MROH2A: variants seen among roughly 807,000 people sequenced by gnomAD.
The protein encoded by MROH2A is maestro heat-like repeat-containing protein family member 2A.
Under a neutral mutation model 200.4 loss-of-function variants are expected in MROH2A, and 174 were observed. The ratio of observed to expected loss-of-function variants is 0.87; its 90% CI spans 0.77 to 0.98. MROH2A has a LOEUF of 0.98. MROH2A is among the 50% of genes least tolerant of loss of function. The pLI, the probability that MROH2A is intolerant of heterozygous loss-of-function variation, is 0.00. For missense variants in MROH2A, 2,045 were observed against 2,139.6 expected, an observed-to-expected ratio of 0.96 and a Z score of 0.87; for synonymous variants, 829 against 840.4, an observed-to-expected ratio of 0.99 and a Z score of 0.23.
rs539616762 is a variant in MROH2A at position 233,823,275 on chromosome 2, G to C, written c.4004+257G>C. ...CGCCCCCAGGGCCACACAGGGTCTAGAGTAGGCCAGGGATGGGAGTTACTT... is the reference window on the plus strand; with the variant it reads ...CGCCCCCAGGGCCACACAGGGTCTACAGTAGGCCAGGGATGGGAGTTACTT... On this transcript the variant is annotated intron_variant, in intron 34 of 41. Coordinates refer to ENST00000389758, the MANE Select transcript of MROH2A (RefSeq NM_001394639.1). 2.6e-5 allele frequency among the ~76,000 whole-genome samples: 4 copies of C among 152,374 alleles called. No individual in the cohort carries two copies. The South Asian group carries it at 8.3e-4, about 32-fold the overall frequency.
chr2:233,817,401 C>T (rs572130530), intron 27 of MROH2A, among the ~76,000 whole-genome samples: 65 of 152,112 alleles, frequency 4.3e-4, no homozygotes, highest in Admixed American at 3.8e-3. Context: ...GGGTCTGGGG[C>T]GCAGGGATGG....
intron 7 of MROH2A, 112 bp from the exon 8 acceptor site, chr2:233,794,251 T>C (rs1265512578): frequency 2.5e-6 from 2 of 793,848 alleles, no homozygotes; most frequent in Non-Finnish European, 4.1e-6. Flanking sequence ...CTTGCTCTGC[T>C]TCTGAGGCGC....
intron 38 of MROH2A, 41 bp downstream of exon 38, chr2:233,829,816 G>T: frequency 7.8e-7 from 1 of 1,289,770 alleles, no homozygotes. Flanking sequence ...TCTGGGGCCC[G>T]CTGTTCCCCG....
chr2:233,818,541 A>C, intron 28 of MROH2A, 111 bp from the exon 29 acceptor site: 1 of 743,992 alleles, frequency 1.3e-6, no homozygotes. Context: ...GGACGTTCAC[A>C]TGCTGGAGGG....
rs1390815721 is a variant in MROH2A at position 233,794,331 on chromosome 2, C to G, written c.823-32C>G. The G allele has an allele frequency of 3.3e-6, 5 of 1,492,932 alleles. No individual in the cohort carries two copies. The Admixed American group carries it at 9.9e-5, about 29-fold the overall frequency. The allele number at this position is 1,492,932 out of a possible 1,614,324, so 92.5% of individuals were successfully genotyped here. A position where few individuals can be genotyped will look rare whatever the true frequency, so the allele number is the denominator to read the frequency against. On this transcript the variant is annotated intron_variant, in intron 7 of 41. Transcript: ENST00000389758. ...CTGGCCTTGCTGGAGGGTGGTGAGA[C>G]AATGCGTCCCAGAGCTGGTTTCTGG...
At chr2:233,803,959 C>A in intron 16 of MROH2A, 92 bp from the exon 17 acceptor site, 1 of 1,459,668 alleles carries the variant, frequency 6.9e-7, no homozygotes, top group Non-Finnish European at 9.2e-7. Flanking sequence ...CGATCTTGTC[C>A]AGCTCCTCCC....
At chr2:233,802,048 C>G (rs984827829) in intron 14 of MROH2A, 120 bp from the exon 15 acceptor site, 1 of 1,145,520 alleles carries the variant, frequency 8.7e-7, no homozygotes, top group Non-Finnish European at 1.2e-6. Context: ...CTGAGACTGT[C>G]AGGGGACATC....
intron 19 of MROH2A, among the ~76,000 whole-genome samples, chr2:233,805,430 C>G (rs1164070147): frequency 2.0e-5 from 3 of 152,174 alleles, no homozygotes; most frequent in Non-Finnish European, 4.4e-5. Flanking sequence ...AAATAGAAAG[C>G]ACCCCATGTT....
At chr2:233,795,522 T>G in intron 8 of MROH2A, 131 bp from the exon 9 acceptor site, 1 of 1,381,470 alleles carries the variant, frequency 7.2e-7, no homozygotes, top group Non-Finnish European at 9.9e-7. Flanking sequence ...GGCCTGAGAG[T>G]CTGCATTTCT....
In MROH2A at chr2:233,794,516, C is replaced by T. The variant is rs1263672496; in HGVS notation, c.966+10C>T. On this transcript the variant is annotated intron_variant, in intron 8 of 41. Coordinates refer to ENST00000389758, the MANE Select transcript of MROH2A (RefSeq NM_001394639.1). ...GCTCTTCGTCACGCAGGCGAGTGGC[C>T]AGGCAGCCACGGCTCTGGGCAGGAG... 2.8e-6 allele frequency: 4 copies of T among 1,429,318 alleles called. No homozygotes were observed. The African/African-American group carries it at 5.7e-5, about 20-fold the overall frequency. 88.5% of individuals were successfully genotyped at this position (1,429,318 alleles called of 1,614,324 possible). A position where few individuals can be genotyped will look rare whatever the true frequency, so the allele number is the denominator to read the frequency against.
At position 233,805,048 on chromosome 2, in the gene MROH2A, C is replaced by G; in HGVS notation, c.1989C>G (p.Ser663Arg). 1.3e-6 allele frequency: 2 copies of G among 1,550,316 alleles called. No individual in the cohort carries two copies. The highest frequency in any genetic ancestry group is 1.7e-6 in the Non-Finnish European group (2 of 1,146,866). The change falls in exon 19 of 42, where the codon AGC becomes AGG. Residue 663 changes from serine (S) to arginine (R), a missense_variant. Ser to Arg is a moderately radical substitution (Grantham distance 110, BLOSUM62 -1). Transcript: ENST00000389758. ...SLKKTRGSSW[S>R]LRLSKELNNQ... Reference sequence around the variant, plus strand: ...AGAAGACCCGGGGGTCTAGCTGGAGCCTGCGCTTGAGTAAAGAGCTGAACA... The same window carrying G: ...AGAAGACCCGGGGGTCTAGCTGGAGGCTGCGCTTGAGTAAAGAGCTGAACA...
intron 19 of MROH2A, among the ~76,000 whole-genome samples, chr2:233,806,412 G>C (rs921802663): frequency 1.3e-5 from 2 of 152,048 alleles, no homozygotes; most frequent in Non-Finnish European, 2.9e-5. Flanking sequence ...ATGAAATATG[G>C]ATGGTTGCTC....
In MROH2A at chr2:233,807,196, T is replaced by C. The variant is rs1304550388; in HGVS notation, c.2053-227T>C. Among the ~76,000 whole-genome samples the C allele has an allele frequency of 2.6e-5, 4 of 152,062 alleles. No homozygotes were observed. The highest frequency in any genetic ancestry group is 3.9e-4 in the East Asian group (2 of 5,192). ...TGATATATGTATATATAAACTGATA[T>C]ATGTATGTATGTATATATCAGTTTC... On this transcript the variant is annotated intron_variant, in intron 19 of 41. Coordinates refer to ENST00000389758, the MANE Select transcript of MROH2A (RefSeq NM_001394639.1). The surrounding 1 kb of genome is among the most constrained non-coding windows in gnomAD (Gnocchi z 4.3).
At chr2:233,791,301 G>T (rs1701745871) in intron 5 of MROH2A, among the ~76,000 whole-genome samples, 1 of 152,132 alleles carries the variant, frequency 6.6e-6, no homozygotes, top group African/African-American at 2.4e-5. Flanking sequence ...TGGCTGGGCT[G>T]GGAAGCATGT....
Position 233,833,139 on chromosome 2 carries a change from C to T in MROH2A, c.4905C>T (p.Ser1635=). The change falls in exon 42 of 42, where the codon TCC becomes TCT. Residue 1635 remains serine, a splice_region_variant and synonymous_variant. Transcript: ENST00000389758. ...TTCCCTCTTTGTGTTCTCTCTCAGC[C>T]CTCCAGGAACTACAGCTGGACCCGG... ...KKLDFPALRN[S]LQELQLDPDP... The T allele has an allele frequency of 2.6e-6, 4 of 1,543,488 alleles. No individual in the cohort carries two copies. Among genetic ancestry groups the T allele is most frequent in the Non-Finnish European group, 3.5e-6 (4 of 1,144,342 alleles).
In MROH2A at chr2:233,819,482, C is replaced by CG; in HGVS notation, c.3357+15dup. The CG allele has an allele frequency of 1.3e-6, 2 of 1,548,696 alleles. No homozygotes were observed. Among genetic ancestry groups the CG allele is most frequent in the South Asian group, 2.4e-5 (2 of 83,950 alleles). ...GCTGGAGGACAAGGTGGCAGAGCCG[C>CG]GGCAGGGCCACCAGAGAGAGGGGCT... On this transcript the variant is annotated intron_variant, in intron 30 of 41. Coordinates refer to ENST00000389758, the MANE Select transcript of MROH2A (RefSeq NM_001394639.1).
chr2:233,830,889 T>C (rs947471009), intron 38 of MROH2A, among the ~76,000 whole-genome samples: 2 of 151,958 alleles, frequency 1.3e-5, no homozygotes, highest in South Asian at 4.2e-4. Context: ...TATCGACAAC[T>C]GTCCAGTGGG....
At chr2:233,814,496 C>A in intron 25 of MROH2A, 86 bp from the exon 26 acceptor site, 1 of 887,800 alleles carries the variant, frequency 1.1e-6, no homozygotes, top group Non-Finnish European at 1.8e-6. Context: ...GACTGCCAGA[C>A]CCCTCCCTGG....
rs573202471 is a variant in MROH2A at position 233,792,381 on chromosome 2, C to T, written c.572-415C>T. Among the ~76,000 whole-genome samples, 6 of 150,844 alleles carry T rather than the reference C, an allele frequency of 4.0e-5. No individual in the cohort carries two copies. In the South Asian group the frequency reaches 8.4e-4, roughly 21 times the overall value. On this transcript the variant is annotated intron_variant, in intron 5 of 41. Coordinates refer to ENST00000389758, the MANE Select transcript of MROH2A (RefSeq NM_001394639.1). ...AGGCTGGAGTGCAGTGGCGCGATCT[C>T]GGCTCACTGCAAGCTCCGCCTCCCG... is the stretch of plus-strand genomic sequence containing the variant.
Sources: allele counts gnomAD v4.1 joint callset (sites outside exome capture counted in the v4.1 genomes callset), GRCh38; gene constraint gnomAD v4.1.1; non-coding constraint Gnocchi (gnomAD v3.1); transcripts MANE v1.5; gene names NCBI Gene and HGNC (gene_info 2026-07-23, HGNC 2026-07-21).